Variants in RP1 observed in about 807,000 individuals in gnomAD.
RP1 encodes the protein RP1 axonemal microtubule associated, also known as oxygen-regulated protein 1.
In RP1, 16 loss-of-function variants were observed where a neutral mutation model predicts 14.8. The observed-to-expected ratio is 1.08, with a 90% CI of 0.73 to 1.65. RP1 has a LOEUF of 1.65. Among genes scored for constraint, RP1 ranks in the 40% most tolerant of loss-of-function variants. RP1 has a pLI of 0.00. For missense variants in RP1, 2,631 were observed against 2,535.0 expected (o/e 1.04, Z -0.81); for synonymous variants, 876 against 883.6 (o/e 0.99, Z 0.15).
chr8:54,789,791 G>A (rs889512521), intron 24 of RP1, among the ~76,000 whole-genome samples: 1 of 152,178 alleles, frequency 6.6e-6, no homozygotes, highest in African/African-American at 2.4e-5. Context: ...GCCCAGTAGA[G>A]GTCCTCACTG....
At chr8:54,641,150 T>C (rs1399254050) in intron 3 of RP1, among the ~76,000 whole-genome samples, 1 of 152,004 alleles carries the variant, frequency 6.6e-6, no homozygotes, top group Non-Finnish European at 1.5e-5. Flanking sequence ...TTTCACTGTG[T>C]TAGTCAGGAT....
chr8:54,589,604 T>A (rs1805000258), intron 1 of RP1, among the ~76,000 whole-genome samples: 1 of 152,182 alleles, frequency 6.6e-6, no homozygotes. Context: ...TTCCTAATCA[T>A]GTGACTGTTA....
chr8:54,805,293 CTATT>C (rs1563381482), intron 24 of RP1, among the ~76,000 whole-genome samples: 1 of 152,146 alleles, frequency 6.6e-6, no homozygotes, highest in Admixed American at 6.6e-5. Context: ...GCCTGGCTAT[CTATT>C]TATTTCTATC....
chr8:54,697,037 G>T (rs554431438), intron 12 of RP1: 3 of 1,509,566 alleles, frequency 2.0e-6, no homozygotes, highest in Non-Finnish European at 2.7e-6. Context: ...CCTTTCAGTG[G>T]CCCGTCACGC....
intron 3 of RP1, among the ~76,000 whole-genome samples, chr8:54,645,931 C>T (rs1563337225): frequency 1.3e-5 from 2 of 152,006 alleles, no homozygotes; most frequent in Non-Finnish European, 2.9e-5. Context: ...TCTGTTTGCT[C>T]ATTAAATGAC....
chr8:54,832,878 A>G (rs1157070247), intron 24 of RP1, among the ~76,000 whole-genome samples: 1 of 151,986 alleles, frequency 6.6e-6, no homozygotes, highest in Non-Finnish European at 1.5e-5. Flanking sequence ...TTTCTAATGC[A>G]TGGTACTTCT....
At chr8:54,589,142 C>T (rs13264526) in intron 1 of RP1, among the ~76,000 whole-genome samples, 45,722 of 152,070 alleles carry the variant, frequency 0.3, 8,252 homozygotes, top group Non-Finnish European at 0.41. Flanking sequence ...CTCTGTAAAT[C>T]GTTGACTTCC....
At chr8:54,758,829 C>T in intron 21 of RP1, 1 of 1,302,464 alleles carries the variant, frequency 7.7e-7, no homozygotes, top group East Asian at 2.5e-5. Flanking sequence ...TGTGCTGCTT[C>T]TGGCAGTCGT....
At chr8:54,649,818 G>A (rs422156) in intron 4 of RP1, among the ~76,000 whole-genome samples, 1 of 152,148 alleles carries the variant, frequency 6.6e-6, no homozygotes, top group South Asian at 2.1e-4. Context: ...AGTCTTCACA[G>A]GACAGCCATC....
chr8:54,783,839 T>C (rs1810250287), intron 24 of RP1: 1 of 530,216 alleles, frequency 1.9e-6, no homozygotes, highest in Non-Finnish European at 2.9e-6. Flanking sequence ...TTGGTGTATG[T>C]GGCATGTTTT....
chr8:54,817,932 A>G (rs941829161), intron 24 of RP1, among the ~76,000 whole-genome samples: 6 of 152,218 alleles, frequency 3.9e-5, no homozygotes, highest in African/African-American at 1.2e-4. Flanking sequence ...TTCACAAAGG[A>G]ACTATGAAAG....
At chr8:54,749,903 T>G (rs926896322) in intron 19 of RP1, among the ~76,000 whole-genome samples, 2 of 151,856 alleles carry the variant, frequency 1.3e-5, no homozygotes, top group Non-Finnish European at 2.9e-5. Flanking sequence ...CTTTTGTTTA[T>G]GAACTCCTTG....
intron 12 of RP1, among the ~76,000 whole-genome samples, chr8:54,680,828 G>A (rs1396414669): frequency 1.3e-5 from 2 of 151,894 alleles, no homozygotes; most frequent in Admixed American, 1.3e-4. Flanking sequence ...CGTGGTGGTG[G>A]GTACCTGTAA....
At chr8:54,697,240 T>G in intron 12 of RP1, 1 of 618,434 alleles carries the variant, frequency 1.6e-6, no homozygotes, top group East Asian at 2.9e-5. Context: ...CTTCAAAAAC[T>G]GGAAAGGAAG....
intron 19 of RP1, among the ~76,000 whole-genome samples, chr8:54,746,083 A>T (rs1288075393): frequency 1.3e-5 from 2 of 152,234 alleles, no homozygotes; most frequent in East Asian, 3.8e-4. Flanking sequence ...CATTATTAGG[A>T]TCATTCTCCC....
chr8:54,834,258 C>A (rs761414927), intron 24 of RP1, among the ~76,000 whole-genome samples: 4 of 151,984 alleles, frequency 2.6e-5, no homozygotes, highest in Admixed American at 1.3e-4. Flanking sequence ...TAATCAAATG[C>A]GTGAGAAATC....
At chr8:54,747,116 A>AT (rs945891911) in intron 19 of RP1, among the ~76,000 whole-genome samples, 17 of 151,846 alleles carry the variant, frequency 1.1e-4, no homozygotes, top group African/African-American at 3.9e-4. Context: ...TCCAAGTTGC[A>AT]TTTTTTTCTC....
At chr8:54,773,013 C>T (rs1040690211), downstream of RP1, among the ~76,000 whole-genome samples, 1 of 152,122 alleles carries the variant, frequency 6.6e-6, no homozygotes, top group African/African-American at 2.4e-5. Flanking sequence ...GCTCCTTTTA[C>T]TACCACTTAT....
chr8:54,652,708 G>A (rs1434404805), intron 4 of RP1: 1 of 979,966 alleles, frequency 1.0e-6, no homozygotes, highest in Non-Finnish European at 1.6e-6. Flanking sequence ...AACATTTCAT[G>A]TCCTAATCTG....
Sources: allele counts gnomAD v4.1 joint callset (sites outside exome capture counted in the v4.1 genomes callset), GRCh38; gene constraint gnomAD v4.1.1; transcripts MANE v1.5; gene names NCBI Gene and HGNC (gene_info 2026-07-23, HGNC 2026-07-21).